The following NTN1 variants were observed in gnomAD, a reference collection of about 807,000 sequenced individuals.
NTN1 encodes the protein netrin-1.
Under a neutral mutation model 54.2 loss-of-function variants are expected in NTN1, and 11 were observed. The ratio of observed to expected loss-of-function variants is 0.20; its 90% confidence interval spans 0.13 to 0.34. The LOEUF (loss-of-function observed/expected upper bound fraction) is 0.34, where lower values mean the gene tolerates loss of function less well. NTN1 is among the 10% of genes least tolerant of loss of function. The probability of loss-of-function intolerance (pLI) is 1.00; values close to 1 mark genes in which losing one functional copy is unlikely to be tolerated. For synonymous variants in NTN1, 371 were observed against 382.0 expected (o/e 0.97, Z 0.33); for missense variants, 740 against 893.1 (o/e 0.83, Z 2.18).
chr17:9,087,964 C>T (rs2092094985), intron 2 of NTN1, among the ~76,000 whole-genome samples: 1 of 152,198 alleles, frequency 6.6e-6, no homozygotes, highest in East Asian at 1.9e-4. Context: ...GTAGAAACCC[C>T]AATTCGACCA....
chr17:9,067,391 T>C (rs1291321914), intron 2 of NTN1, among the ~76,000 whole-genome samples: 1 of 152,174 alleles, frequency 6.6e-6, no homozygotes, highest in African/African-American at 2.4e-5. Context: ...GGGTGAGCCA[T>C]AGAAGATAAT....
At chr17:9,011,227 G>A in the NTN1 span, among the ~76,000 whole-genome samples, 1 of 152,158 alleles carries the variant, frequency 6.6e-6, no homozygotes, top group Non-Finnish European at 1.5e-5. Flanking sequence ...GTCCTGCTGT[G>A]TGGCCTCGTT....
chr17:9,114,373 T>A (rs975134405), intron 2 of NTN1, among the ~76,000 whole-genome samples: 24 of 151,304 alleles, frequency 1.6e-4, no homozygotes, highest in African/African-American at 5.6e-4. Flanking sequence ...AAAGTTACTT[T>A]TAATTACAAA....
At chr17:9,201,803 G>A (rs1426221265) in intron 5 of NTN1, among the ~76,000 whole-genome samples, 1 of 152,028 alleles carries the variant, frequency 6.6e-6, no homozygotes, top group East Asian at 1.9e-4. Context: ...CAGACTCAGA[G>A]GATGCCCTCT....
chr17:9,013,793 G>A, the NTN1 span, among the ~76,000 whole-genome samples: 2 of 152,272 alleles, frequency 1.3e-5, no homozygotes, highest in South Asian at 4.1e-4. Flanking sequence ...TTCTCCATCT[G>A]GAGCAACATC....
chr17:9,082,358 G>T (rs1396443951), intron 2 of NTN1, among the ~76,000 whole-genome samples: 1 of 152,208 alleles, frequency 6.6e-6, no homozygotes, highest in Non-Finnish European at 1.5e-5. Flanking sequence ...TCCACGCCTG[G>T]CCAGCATCTT....
chr17:9,012,547 A>AAC, the NTN1 span, among the ~76,000 whole-genome samples: 2 of 151,498 alleles, frequency 1.3e-5, no homozygotes, highest in African/African-American at 4.9e-5. Context: ...AAAAAAAAAA[A>AAC]AACAAGCTCT....
intron 2 of NTN1, among the ~76,000 whole-genome samples, chr17:9,108,851 G>GTTTTTC (rs762350392): frequency 2.6e-5 from 4 of 152,026 alleles, no homozygotes; most frequent in Non-Finnish European, 5.9e-5. Context: ...TCTCTTCAAT[G>GTTTTTC]TTTTTCTTTT....
rs75908896 is a variant in NTN1, at chr17:9,026,058, T to C, written c.1018+2667T>C. Reference sequence around the variant, plus strand: ...TCAGTCTTAATAACAATGAGCCTATTACTGTGCTGTTTGGTCTTTGCTTTT... The same window carrying C: ...TCAGTCTTAATAACAATGAGCCTATCACTGTGCTGTTTGGTCTTTGCTTTT... On this transcript the variant is annotated intron_variant, in intron 2 of 6. Transcript: ENST00000173229. Among the ~76,000 whole-genome samples the C allele has an allele frequency of 2.5e-3, 379 of 152,342 alleles. 5 individuals are homozygous for C. Among genetic ancestry groups the C allele is most frequent in the African/African-American group, 8.8e-3 (364 of 41,578 alleles).
At chr17:9,093,959 G>A (rs1290299365) in intron 2 of NTN1, among the ~76,000 whole-genome samples, 7 of 152,090 alleles carry the variant, frequency 4.6e-5, no homozygotes, top group African/African-American at 1.7e-4. Flanking sequence ...GGGTGACAGA[G>A]CGAGACCCTG....
chr17:9,236,540 G>T (rs1438830862), intron 6 of NTN1, among the ~76,000 whole-genome samples: 5 of 152,226 alleles, frequency 3.3e-5, no homozygotes, highest in African/African-American at 1.2e-4. Context: ...GTTGCCAAGG[G>T]CAGCGGAAAT....
intron 2 of NTN1, among the ~76,000 whole-genome samples, chr17:9,083,219 C>T (rs1404206101): frequency 1.3e-5 from 2 of 152,220 alleles, no homozygotes; most frequent in South Asian, 2.1e-4. Context: ...CTGCCTCAGC[C>T]TCCTGAGTAG....
At chr17:9,015,076 G>T in the NTN1 span, among the ~76,000 whole-genome samples, 1 of 152,206 alleles carries the variant, frequency 6.6e-6, no homozygotes, top group Non-Finnish European at 1.5e-5. Flanking sequence ...CTTAGTAGAT[G>T]CTTGGCACAC....
chr17:9,105,203 C>T lies in NTN1; in HGVS notation c.1019-57610C>T, dbSNP rs2092162058. ...TTAGGAAGAGCCCCCAGGAAGACAC[C>T]ACACCTGGGCCGGATTTCCAGGGCC... On this transcript the variant is annotated intron_variant, in intron 2 of 6. Transcript: ENST00000173229. 6.6e-5 allele frequency among the ~76,000 whole-genome samples: 10 copies of T among 152,320 alleles called. No individual in the cohort carries two copies. In the South Asian group the frequency reaches 2.1e-3, roughly 32 times the overall value.
chr17:9,004,115 G>A, the NTN1 span, among the ~76,000 whole-genome samples: 13 of 152,236 alleles, frequency 8.5e-5, no homozygotes, highest in Non-Finnish European at 1.9e-4. Flanking sequence ...CATCTAGAAG[G>A]AGGCGCAGGC....
intron 2 of NTN1, among the ~76,000 whole-genome samples, chr17:9,129,258 G>A (rs886497035): frequency 2.6e-5 from 4 of 152,078 alleles, no homozygotes; most frequent in African/African-American, 9.7e-5. Flanking sequence ...GCTCCTGAGT[G>A]GCTGGGGAGG....
chr17:9,229,062 G>C lies in NTN1; in HGVS notation c.1486+7820G>C, dbSNP rs185502749. Among the ~76,000 whole-genome samples, 692 of 147,972 alleles carry C rather than the reference G, an allele frequency of 4.7e-3. 8 individuals carry two copies. The highest frequency in any genetic ancestry group is 0.016 in the African/African-American group (653 of 39,790). On this transcript the variant is annotated intron_variant, in intron 6 of 6. Coordinates refer to ENST00000173229, the MANE Select transcript of NTN1 (RefSeq NM_004822.3). ...GGTGTGTGGCTGTGTGACTATGCGT[G>C]TGTGATTGTGTTTGTGACTGTGTGT...
chr17:9,063,790 C>T lies in NTN1; in HGVS notation c.1018+40399C>T, dbSNP rs189724447. Among the ~76,000 whole-genome samples the T allele has an allele frequency of 7.1e-3, 1,077 of 151,862 alleles. 22 individuals are homozygous for T. Among genetic ancestry groups the T allele is most frequent in the African/African-American group, 0.024 (1,012 of 41,386 alleles). ...GTCTCGATCTCCTGACCTCGTGATC[C>T]GCCCGCCTCGGCCTCCCAAAGTGCT... On this transcript the variant is annotated intron_variant, in intron 2 of 6. Coordinates refer to ENST00000173229, the MANE Select transcript of NTN1 (RefSeq NM_004822.3).
intron 3 of NTN1, among the ~76,000 whole-genome samples, chr17:9,164,835 A>T (rs966058794): frequency 6.6e-6 from 1 of 152,184 alleles, no homozygotes; most frequent in East Asian, 1.9e-4. Context: ...CCCCCAGAAG[A>T]CTGAGCAGAG....
Sources: allele counts gnomAD v4.1 joint callset (sites outside exome capture counted in the v4.1 genomes callset), GRCh38; gene constraint gnomAD v4.1.1; transcripts MANE v1.5; gene names NCBI Gene and HGNC (gene_info 2026-07-23, HGNC 2026-07-21).